Variants in MARCHF6 observed in about 807,000 individuals in gnomAD.
MARCHF6 encodes membrane associated ring-CH-type finger 6.
Under a neutral mutation model 133.7 loss-of-function variants are expected in MARCHF6, and 31 were observed. That is an observed-to-expected ratio of 0.23 (90% CI 0.17 to 0.31). The LOEUF is 0.31. MARCHF6 is among the 10% of genes least tolerant of loss of function. The probability of loss-of-function intolerance (pLI) is 1.00; values close to 1 mark genes in which losing one functional copy is unlikely to be tolerated. For synonymous variants in MARCHF6, 395 were observed against 402.5 expected, an observed-to-expected ratio of 0.98 and a Z score of 0.22; for missense variants, 723 against 1,121.6, an observed-to-expected ratio of 0.64 and a Z score of 5.08.
At chr5:10,382,686 G>C (rs1346492705) in intron 4 of MARCHF6, among the ~76,000 whole-genome samples, 1 of 152,104 alleles carries the variant, frequency 6.6e-6, no homozygotes, top group Non-Finnish European at 1.5e-5. Flanking sequence ...AATTAGCCGG[G>C]TGTGGTGGTG....
chr5:10,423,652 A>G, intron 22 of MARCHF6, 83 bp from the exon 23 acceptor site: 1 of 856,252 alleles, frequency 1.2e-6, no homozygotes, highest in African/African-American at 1.7e-5. Flanking sequence ...ATGTGAAATA[A>G]TGTAAGAAAA....
intron 15 of MARCHF6, among the ~76,000 whole-genome samples, chr5:10,404,448 T>C (rs1278487416): frequency 1.3e-5 from 2 of 152,192 alleles, no homozygotes; most frequent in African/African-American, 2.4e-5. Context: ...ATTTGATTAG[T>C]GTACATCTCA....
rs1426956238 is a variant in MARCHF6, at chr5:10,391,618, T to A, written c.653T>A (p.Val218Glu). ...AACCCACCAGCTGAGAACGCAGTGG[T>A]GGGGGAAAACCCTGATGCCCAGGAT... is the stretch of plus-strand genomic sequence containing the variant. ...PANPPAENAV[V>E]GENPDAQDDQ... Residue 218 changes from valine (V) to glutamate (E), a missense_variant, in exon 7 of 26, where the codon GTG becomes GAG. Coordinates refer to ENST00000274140, the MANE Select transcript of MARCHF6 (RefSeq NM_005885.4). 1 of 1,612,318 alleles carries A rather than the reference T, an allele frequency of 6.2e-7. No individual in the cohort carries two copies. The highest frequency in any genetic ancestry group is 1.7e-5 in the Admixed American group (1 of 59,712).
Position 10,417,384 on chromosome 5 carries a change from C to T in MARCHF6, c.2263C>T (p.Pro755Ser). ...CCTGAGGGTTCCCTTGGATCAGACT[C>T]CTCTTTTTTATCCATGGCAGGTAAA... ...APLRVPLDQT[P>S]LFYPWQDWAL... The change falls in exon 22 of 26, where the codon CCT becomes TCT. Residue 755 changes from proline (P) to serine (S), a missense_variant. Transcript: ENST00000274140. The T allele has an allele frequency of 6.2e-7, 1 of 1,613,850 alleles. No individual in the cohort carries two copies. Among genetic ancestry groups the T allele is most frequent in the Non-Finnish European group, 8.5e-7 (1 of 1,179,954 alleles).
At chr5:10,383,586 A>G (rs1737284442) in intron 4 of MARCHF6, among the ~76,000 whole-genome samples, 1 of 152,170 alleles carries the variant, frequency 6.6e-6, no homozygotes, top group African/African-American at 2.4e-5. Context: ...TGAACCTAAA[A>G]TTCCCTTTCT....
intron 16 of MARCHF6, among the ~76,000 whole-genome samples, chr5:10,406,579 G>A (rs1454566768): frequency 1.3e-5 from 2 of 151,832 alleles, no homozygotes; most frequent in African/African-American, 2.4e-5. Context: ...TAGTAGATGC[G>A]GGGTTTCACT....
intron 1 of MARCHF6, among the ~76,000 whole-genome samples, chr5:10,354,437 C>T (rs188310248): frequency 9.9e-5 from 15 of 152,264 alleles, no homozygotes; most frequent in Non-Finnish European, 2.1e-4. Flanking sequence ...AAGCCTGGTC[C>T]TCGGCTTGCC....
At chr5:10,411,996 A>G (rs1739257789) in intron 19 of MARCHF6, among the ~76,000 whole-genome samples, 1 of 152,238 alleles carries the variant, frequency 6.6e-6, no homozygotes, top group Non-Finnish European at 1.5e-5. Flanking sequence ...GAATTTTGTC[A>G]GAAATGTAAG....
chr5:10,420,506 A>G (rs906776630), intron 22 of MARCHF6, among the ~76,000 whole-genome samples: 4 of 152,218 alleles, frequency 2.6e-5, no homozygotes, highest in African/African-American at 9.7e-5. Context: ...AAATGGGACA[A>G]ACAGATACTA....
intron 9 of MARCHF6, among the ~76,000 whole-genome samples, chr5:10,395,795 C>A (rs1738154917): frequency 6.6e-6 from 1 of 152,188 alleles, no homozygotes; most frequent in Non-Finnish European, 1.5e-5. Flanking sequence ...TGTTGGCCTT[C>A]TCCTCAGGCT....
At chr5:10,357,966 CTTTTTTT>C (rs34017407) in intron 1 of MARCHF6, among the ~76,000 whole-genome samples, 1 of 108,520 alleles carries the variant, frequency 9.2e-6, no homozygotes, top group Non-Finnish European at 2.0e-5. Flanking sequence ...GCATGGGTTG[CTTTTTTT>C]TTTTTTTTTT....
chr5:10,407,015 A>G (rs1738939077), intron 16 of MARCHF6, 87 bp from the exon 17 acceptor site: 7 of 692,218 alleles, frequency 1.0e-5, no homozygotes, highest in Non-Finnish European at 2.5e-6. Flanking sequence ...TGGACTGCAT[A>G]TTGCTTGAGT....
At chr5:10,370,395 A>G (rs1200569645) in intron 1 of MARCHF6, among the ~76,000 whole-genome samples, 1 of 152,074 alleles carries the variant, frequency 6.6e-6, no homozygotes, top group Non-Finnish European at 1.5e-5. Flanking sequence ...GAGCTGCCAT[A>G]TCTGGCGTTA....
intron 1 of MARCHF6, among the ~76,000 whole-genome samples, chr5:10,371,260 A>G (rs1260812685): frequency 6.6e-6 from 1 of 152,178 alleles, no homozygotes; most frequent in Non-Finnish European, 1.5e-5. Flanking sequence ...TCAGTTTCCC[A>G]AACTATGAGA....
chr5:10,357,422 A>G (rs1298603057), intron 1 of MARCHF6, among the ~76,000 whole-genome samples: 2 of 150,818 alleles, frequency 1.3e-5, no homozygotes, highest in African/African-American at 4.9e-5. Flanking sequence ...ACAAAGTCTT[A>G]GTAATTTTAT....
At position 10,378,847 on chromosome 5, in the gene MARCHF6, C is replaced by A. The variant is rs1323424616; in HGVS notation, c.190+15C>A. The stretch of plus-strand genomic sequence containing the variant: ...TTTTACACCAAGTAAGTTCTTTAGA[C>A]ATTTTCACTGCATTTTTTTTGGTTA... On this transcript the variant is annotated intron_variant, in intron 3 of 25. Transcript: ENST00000274140. The A allele has an allele frequency of 6.4e-7, 1 of 1,572,818 alleles. No individual in the cohort carries two copies. The highest frequency in any genetic ancestry group is 8.7e-7 in the Non-Finnish European group (1 of 1,145,784).
intron 22 of MARCHF6, among the ~76,000 whole-genome samples, chr5:10,419,837 T>A (rs934069837): frequency 6.6e-6 from 1 of 152,206 alleles, no homozygotes; most frequent in African/African-American, 2.4e-5. Context: ...TTTAATTTTG[T>A]CCATAGAGTC....
intron 4 of MARCHF6, among the ~76,000 whole-genome samples, chr5:10,383,742 A>G (rs889034221): frequency 2.0e-5 from 3 of 152,250 alleles, no homozygotes; most frequent in Non-Finnish European, 4.4e-5. Flanking sequence ...TGTGAGATAC[A>G]AAGAAGTGTT....
chr5:10,379,219 T>C (rs541584720), intron 3 of MARCHF6, among the ~76,000 whole-genome samples: 3 of 152,304 alleles, frequency 2.0e-5, no homozygotes, highest in African/African-American at 7.2e-5. Flanking sequence ...CTTTATCCTT[T>C]TATTTTTTTC....
Sources: gnomAD v4.1 joint callset for allele counts (sites outside exome capture counted in the v4.1 genomes callset) on GRCh38, gnomAD v4.1.1 for gene constraint, MANE v1.5 for transcripts, NCBI Gene and HGNC (gene_info 2026-07-23, HGNC 2026-07-21) for gene names.